The following ETF1 variants were observed in gnomAD, a reference collection of about 807,000 sequenced individuals.
ETF1 encodes the protein eukaryotic peptide chain release factor subunit 1.
In ETF1, 4 loss-of-function variants were observed where a neutral mutation model predicts 55.1. The observed-to-expected ratio is 0.07, with a 90% CI of 0.04 to 0.17. ETF1 has a LOEUF of 0.17. Among genes scored for constraint, ETF1 ranks in the 10% least tolerant of loss-of-function variants. ETF1 has a pLI of 1.00. For synonymous variants in ETF1, 157 were observed against 182.3 expected (o/e 0.86, Z 1.12); for missense variants, 142 against 523.6 (o/e 0.27, Z 7.11).
rs1050409792 is a variant in ETF1, at chr5:138,510,628, C to T, written c.1020G>A (p.Glu340=). ...CTGGAGTTAGATAGAGAATTTTCTC[C>T]TCTGTAGTATTAGGAGGAAAAAATG... is the stretch of plus-strand genomic sequence containing the variant. ...RYVLHCQGTE[E]EKILYLTPEQ... The change falls in exon 9 of 11, where the codon GAG becomes GAA. Residue 340 remains glutamate, a splice_region_variant and synonymous_variant. Coordinates refer to ENST00000360541, the MANE Select transcript of ETF1 (RefSeq NM_004730.4). The T allele has an allele frequency of 3.7e-6, 6 of 1,612,772 alleles. No individual in the cohort carries two copies. Among genetic ancestry groups the T allele is most frequent in the Non-Finnish European group, 5.1e-6 (6 of 1,179,072 alleles).
chr5:138,531,611 G>C (rs1357194662), intron 2 of ETF1, among the ~76,000 whole-genome samples: 1 of 152,166 alleles, frequency 6.6e-6, no homozygotes, highest in Non-Finnish European at 1.5e-5. Flanking sequence ...CTCCCTAACC[G>C]GGATGTACAG....
intron 2 of ETF1, among the ~76,000 whole-genome samples, chr5:138,522,536 C>G (rs1765275229): frequency 6.8e-6 from 1 of 147,626 alleles, no homozygotes; most frequent in Non-Finnish European, 1.5e-5. Context: ...ATGTAACACA[C>G]AAAAATTTGT....
chr5:138,520,630 C>A (rs1230974218), intron 2 of ETF1, among the ~76,000 whole-genome samples: 2 of 152,110 alleles, frequency 1.3e-5, no homozygotes, highest in South Asian at 2.1e-4. Context: ...ACAGCCTGGG[C>A]AACATAATGA....
intron 8 of ETF1, 54 bp downstream of exon 8, chr5:138,510,991 C>A: frequency 6.3e-7 from 1 of 1,587,014 alleles, no homozygotes; most frequent in Non-Finnish European, 8.6e-7. Context: ...AAATCTCCAC[C>A]CCAGGCTTCC....
intron 2 of ETF1, among the ~76,000 whole-genome samples, chr5:138,531,833 T>C (rs960628785): frequency 6.6e-6 from 1 of 152,086 alleles, no homozygotes; most frequent in African/African-American, 2.4e-5. Flanking sequence ...GATCACGAGG[T>C]CAGGAGATTG....
chr5:138,525,672 G>A (rs1272868934), intron 2 of ETF1, among the ~76,000 whole-genome samples: 3 of 151,984 alleles, frequency 2.0e-5, no homozygotes, highest in South Asian at 2.1e-4. Context: ...CTGGCCAGGC[G>A]CGGTAGCTCA....
At position 138,506,903 on chromosome 5, in the gene ETF1, C is replaced by A. The variant is rs1764579766; in HGVS notation, c.*1402G>T. ...TTTGAAAACCAAATGCACCCCACTA[C>A]CCTAGTCAGTGTGGAGGTGATACCA... is the stretch of plus-strand genomic sequence containing the variant. On this transcript the variant is annotated 3_prime_UTR_variant, in exon 11 of 11. Coordinates refer to ENST00000360541, the MANE Select transcript of ETF1 (RefSeq NM_004730.4). 1 of 152,638 alleles carries A rather than the reference C, an allele frequency of 6.6e-6. No homozygotes were observed. Among genetic ancestry groups the A allele is most frequent in the South Asian group, 2.1e-4 (1 of 4,834 alleles). The allele number at this position is 152,638 out of a possible 1,614,324, so 9.5% of individuals were successfully genotyped here. A position where few individuals can be genotyped will look rare whatever the true frequency, so the allele number is the denominator to read the frequency against.
chr5:138,518,675 A>G lies in ETF1; in HGVS notation c.262+17T>C. ...CCAAAATGTGTAGAGAAGGAAAAGG[A>G]GCAAACTCCAGATTACCTTTGTTAT... On this transcript the variant is annotated intron_variant, in intron 3 of 10. Coordinates refer to ENST00000360541, the MANE Select transcript of ETF1 (RefSeq NM_004730.4). 1.9e-6 allele frequency: 3 copies of G among 1,604,472 alleles called. No homozygotes were observed. Among genetic ancestry groups the G allele is most frequent in the Non-Finnish European group, 2.6e-6 (3 of 1,172,318 alleles).
At chr5:138,520,081 G>A (rs1053467612) in intron 2 of ETF1, among the ~76,000 whole-genome samples, 1 of 143,428 alleles carries the variant, frequency 7.0e-6, no homozygotes, top group Non-Finnish European at 1.5e-5. Flanking sequence ...CAAAAGAAAA[G>A]AACTAAAATC....
At chr5:138,522,890 C>T (rs1243169602) in intron 2 of ETF1, among the ~76,000 whole-genome samples, 1 of 152,016 alleles carries the variant, frequency 6.6e-6, no homozygotes, top group Non-Finnish European at 1.5e-5. Context: ...CCTGTAGTCT[C>T]AGCTATTCAG....
At chr5:138,510,687 A>C in intron 8 of ETF1, 58 bp from the exon 9 acceptor site, 2 of 1,597,234 alleles carry the variant, frequency 1.3e-6, no homozygotes, top group Non-Finnish European at 1.7e-6. Context: ...AATCTGTGTA[A>C]GCTCCATAAG....
At chr5:138,524,190 CAA>C (rs112748888) in intron 2 of ETF1, among the ~76,000 whole-genome samples, 13 of 74,236 alleles carry the variant, frequency 1.8e-4, no homozygotes, top group Admixed American at 1.4e-4. Context: ...GACTCTGTCT[CAA>C]AAAAAAAAAA....
chr5:138,533,049 C>T (rs1276643421), intron 2 of ETF1, among the ~76,000 whole-genome samples: 2 of 152,014 alleles, frequency 1.3e-5, no homozygotes, highest in African/African-American at 2.4e-5. Context: ...AAGCAATTCT[C>T]TTGCCTCAGC....
chr5:138,508,542 C>T lies in ETF1; in HGVS notation c.1231+127G>A, dbSNP rs568511156. ...CATGGGTCCAAATTAGGAACCTGCA[C>T]CTGCTGCGTCAATCACCTATCCCAG... On this transcript the variant is annotated intron_variant, in intron 10 of 10. Transcript: ENST00000360541. The T allele has an allele frequency of 4.5e-6, 7 of 1,553,452 alleles. No individual in the cohort carries two copies. The South Asian group carries it at 6.3e-5, about 14-fold the overall frequency.
intron 2 of ETF1, among the ~76,000 whole-genome samples, chr5:138,540,845 A>C (rs192922339): frequency 3.7e-4 from 56 of 152,312 alleles, no homozygotes; most frequent in Non-Finnish European, 7.1e-4. Flanking sequence ...AGGCGCTTAA[A>C]AGTTTCTAGT....
intron 9 of ETF1, chr5:138,509,135 C>T: frequency 2.0e-6 from 2 of 985,296 alleles, no homozygotes; most frequent in Non-Finnish European, 2.4e-6. Context: ...CTCTAAGCAG[C>T]ACCCATTCAA....
intron 2 of ETF1, among the ~76,000 whole-genome samples, chr5:138,527,570 A>C (rs577147321): frequency 1.3e-5 from 2 of 152,346 alleles, no homozygotes; most frequent in Middle Eastern, 6.8e-3. Context: ...AAGAGACTGG[A>C]AACACTGGGC....
At chr5:138,529,125 T>C (rs1765593007) in intron 2 of ETF1, among the ~76,000 whole-genome samples, 1 of 151,850 alleles carries the variant, frequency 6.6e-6, no homozygotes, top group African/African-American at 2.4e-5. Context: ...CGAGACTCCA[T>C]CTCAAAAAAC....
chr5:138,513,766 ACT>A lies in ETF1; in HGVS notation c.403-62_403-61del, dbSNP rs368023989. 3.3e-4 allele frequency: 516 copies of A among 1,551,932 alleles called. 2 individuals carry two copies. In the African/African-American group the frequency reaches 6.5e-3, roughly 20 times the overall value. On this transcript the variant is annotated intron_variant, in intron 4 of 10. Coordinates refer to ENST00000360541, the MANE Select transcript of ETF1 (RefSeq NM_004730.4). ...CCAAAGCTTTGCTAAGGTCAAAAAA[ACT>A]CTGAAAGGATATATACAAGCCCTTT...
Sources: allele counts gnomAD v4.1 joint callset (sites outside exome capture counted in the v4.1 genomes callset), GRCh38; gene constraint gnomAD v4.1.1; transcripts MANE v1.5; gene names NCBI Gene and HGNC (gene_info 2026-07-23, HGNC 2026-07-21).